The following DLG2 variants were observed in gnomAD, a reference collection of about 807,000 sequenced individuals.
The protein encoded by DLG2 is disks large homolog 2.
DLG2 carries 45 observed loss-of-function variants against 132.5 expected under a neutral mutation model. That is an observed-to-expected ratio of 0.34 (90% CI 0.27 to 0.44). DLG2 has a LOEUF of 0.44. Among genes scored for constraint, DLG2 ranks in the 20% least tolerant of loss-of-function variants. The pLI, the probability that DLG2 is intolerant of heterozygous loss-of-function variation, is 1.00. For missense variants in DLG2, 1,045 were observed against 1,196.9 expected (o/e 0.87, Z 1.87); for synonymous variants, 424 against 419.6 (o/e 1.01, Z -0.13).
At chr11:84,401,024 C>T (rs1159253403) in intron 7 of DLG2, among the ~76,000 whole-genome samples, 1 of 152,148 alleles carries the variant, frequency 6.6e-6, no homozygotes, top group Non-Finnish European at 1.5e-5. Context: ...ATGTATCAAA[C>T]ACATGGTTGA....
chr11:85,102,615 A>G (rs1298137560), intron 6 of DLG2, among the ~76,000 whole-genome samples: 1 of 152,020 alleles, frequency 6.6e-6, no homozygotes, highest in East Asian at 1.9e-4. Context: ...AACCAACATT[A>G]GTAATTAAGG....
intron 19 of DLG2, among the ~76,000 whole-genome samples, chr11:83,580,824 TCCCTTCCCCCCTCCCCCATTCTC>T (rs2096959414): frequency 1.8e-5 from 1 of 54,300 alleles, no homozygotes; most frequent in Non-Finnish European, 3.5e-5. Flanking sequence ...CCAGGCTTCC[TCCCTTCCCCCCTCCCCCATTCTC>T]CCCTTCCCCT....
In DLG2 at chr11:84,012,570, T is replaced by G. The variant is rs182583790; in HGVS notation, c.920-31928A>C. Among the ~76,000 whole-genome samples, 257 of 152,278 alleles carry G rather than the reference T, an allele frequency of 1.7e-3. 1 individual carries two copies. Among genetic ancestry groups the G allele is most frequent in the East Asian group, 1.4e-3 (7 of 5,172 alleles). Reference sequence around the variant, plus strand: ...ATTCTCTCCAGTTTACCAGGGAGACTATGAGATTGTGGCTTGTTTCTGCTT... The same window carrying G: ...ATTCTCTCCAGTTTACCAGGGAGACGATGAGATTGTGGCTTGTTTCTGCTT... On this transcript the variant is annotated intron_variant, in intron 11 of 27. Coordinates refer to ENST00000376104, the MANE Select transcript of DLG2 (RefSeq NM_001142699.3).
intron 19 of DLG2, among the ~76,000 whole-genome samples, chr11:83,618,770 G>A (rs1450366715): frequency 1.3e-5 from 2 of 152,136 alleles, no homozygotes; most frequent in African/African-American, 4.8e-5. Flanking sequence ...GAAATATACT[G>A]CCAAAGATAA....
intron 19 of DLG2, among the ~76,000 whole-genome samples, chr11:83,623,731 T>A (rs1340602014): frequency 6.6e-6 from 1 of 152,258 alleles, no homozygotes; most frequent in East Asian, 1.9e-4. Context: ...TGTCAGACAC[T>A]GTTCAAACAC....
At chr11:83,644,007 A>G (rs2067375197) in intron 18 of DLG2, among the ~76,000 whole-genome samples, 1 of 152,174 alleles carries the variant, frequency 6.6e-6, no homozygotes, top group Admixed American at 6.5e-5. Context: ...CATCTCTATA[A>G]GTGAATTCTA....
In DLG2 at chr11:83,508,446, A is replaced by AT. The variant is rs548497990; in HGVS notation, c.2194-24219_2194-24218insA. 5.7e-3 allele frequency among the ~76,000 whole-genome samples: 669 copies of AT among 118,198 alleles called. 12 individuals carry two copies. Among genetic ancestry groups the AT allele is most frequent in the African/African-American group, 0.022 (644 of 29,028 alleles). The allele number at this position is 118,198 out of a possible 152,430, so 77.5% of individuals were successfully genotyped here. A position where few individuals can be genotyped will look rare whatever the true frequency, so the allele number is the denominator to read the frequency against. ...TTTTTAGTAGAGATGGGGTTTCACC[A>AT]GTTAGCCAGGATGGTCTCGATCTCC... On this transcript the variant is annotated intron_variant, in intron 21 of 27. Coordinates refer to ENST00000376104, the MANE Select transcript of DLG2 (RefSeq NM_001142699.3).
chr11:83,464,864 G>A (rs2090720390), intron 26 of DLG2, among the ~76,000 whole-genome samples: 1 of 152,142 alleles, frequency 6.6e-6, no homozygotes, highest in South Asian at 2.1e-4. Flanking sequence ...CTTTAAGATG[G>A]CTGTTCCCAG....
intron 18 of DLG2, among the ~76,000 whole-genome samples, chr11:83,717,014 G>C (rs2086855084): frequency 6.6e-6 from 1 of 152,102 alleles, no homozygotes. Flanking sequence ...TGAAATCTCA[G>C]TTTTAAAAGG....
intron 2 of DLG2, among the ~76,000 whole-genome samples, chr11:85,616,936 C>T (rs2081377868): frequency 6.6e-6 from 1 of 152,172 alleles, no homozygotes; most frequent in African/African-American, 2.4e-5. Flanking sequence ...GACACAACAA[C>T]TCATATGTCA....
At position 83,471,664 on chromosome 11, in the gene DLG2, A is replaced by G; in HGVS notation, c.2408T>C (p.Ile803Thr). 1 of 1,613,260 alleles carries G rather than the reference A, an allele frequency of 6.2e-7. No homozygotes were observed. The highest frequency in any genetic ancestry group is 8.5e-7 in the Non-Finnish European group (1 of 1,179,426). Residue 803 changes from isoleucine (I) to threonine (T), a missense_variant, in exon 24 of 28, where the codon ATA becomes ACA. Physicochemically the swap from Ile to Thr is moderately conservative, Grantham distance 89 (BLOSUM62 -1). This residue lies in a region of DLG2 where 398 missense variants were observed against 543.6 expected (regional missense o/e 0.73). Transcript: ENST00000376104. ...PMKDRINDDL[I>T]SEFPDKFGSC... ...GCCAAATTTATCAGGGAATTCAGAT[A>G]TCAAGTCGTCATTGATCCGATCCTT... is the stretch of plus-strand genomic sequence containing the variant.
intron 7 of DLG2, among the ~76,000 whole-genome samples, chr11:84,303,125 A>G (rs1410803543): frequency 1.3e-5 from 2 of 152,176 alleles, no homozygotes; most frequent in African/African-American, 4.8e-5. Flanking sequence ...AATAAAATAA[A>G]ATAAAACAAA....
At chr11:83,590,875 A>C (rs1390158996) in intron 19 of DLG2, among the ~76,000 whole-genome samples, 1 of 151,718 alleles carries the variant, frequency 6.6e-6, no homozygotes, top group Non-Finnish European at 1.5e-5. Flanking sequence ...CTATGCAAAT[A>C]AACTAGAAAA....
chr11:84,505,189 C>A (rs2099235433), intron 7 of DLG2, among the ~76,000 whole-genome samples: 1 of 152,076 alleles, frequency 6.6e-6, no homozygotes, highest in Non-Finnish European at 1.5e-5. Flanking sequence ...TGTAGCAATG[C>A]AACAATGGTA....
chr11:85,116,321 A>C (rs948959550), intron 5 of DLG2, among the ~76,000 whole-genome samples: 3 of 151,234 alleles, frequency 2.0e-5, no homozygotes, highest in East Asian at 2.0e-4. Flanking sequence ...AGAGTTAAAA[A>C]TTTTTTCAAA....
intron 26 of DLG2, among the ~76,000 whole-genome samples, chr11:83,466,181 T>C (rs569875786): frequency 0.022 from 3,420 of 152,256 alleles, 110 homozygotes; most frequent in African/African-American, 0.075. Context: ...TTAAGGAACA[T>C]CAGAATTCTA....
chr11:84,930,056 A>G (rs1353210226), intron 6 of DLG2, among the ~76,000 whole-genome samples: 1 of 152,136 alleles, frequency 6.6e-6, no homozygotes, highest in Non-Finnish European at 1.5e-5. Flanking sequence ...AAAGACTGAA[A>G]GGACAATGGA....
intron 19 of DLG2, among the ~76,000 whole-genome samples, chr11:83,607,013 G>T (rs1423898427): frequency 1.3e-5 from 2 of 152,208 alleles, no homozygotes; most frequent in African/African-American, 4.8e-5. Flanking sequence ...CGCAAATCGG[G>T]CAGCCTCCTG....
chr11:84,322,939 GT>G (rs1343668848), intron 7 of DLG2, among the ~76,000 whole-genome samples: 1 of 152,062 alleles, frequency 6.6e-6, no homozygotes, highest in Non-Finnish European at 1.5e-5. Context: ...ATGAAGGCAT[GT>G]AAATATCTCC....
Sources: allele counts gnomAD v4.1 joint callset (sites outside exome capture counted in the v4.1 genomes callset), GRCh38; gene constraint gnomAD v4.1.1; regional missense constraint gnomAD v4.1.1; transcripts MANE v1.5; gene names NCBI Gene and HGNC (gene_info 2026-07-23, HGNC 2026-07-21).